The following ZPBP variants were observed in gnomAD, a reference collection of about 807,000 sequenced individuals.
ZPBP encodes the protein zona pellucida binding protein.
A neutral mutation model predicts 44.8 loss-of-function variants in ZPBP; 26 were observed. The observed-to-expected ratio is 0.58, with a 90% CI of 0.43 to 0.81. The LOEUF (loss-of-function observed/expected upper bound fraction) is 0.81, where lower values mean the gene tolerates loss of function less well. ZPBP is among the 30% of genes least tolerant of loss of function. The pLI is 0.00. For synonymous variants in ZPBP, 174 were observed against 153.2 expected (o/e 1.14, Z -1.00); for missense variants, 409 against 434.0 (o/e 0.94, Z 0.51).
rs534425723 is a variant in ZPBP at position 49,898,040 on chromosome 7, CTGGG to C, written n.509+3074_509+3077del. 6.0e-3 allele frequency among the ~76,000 whole-genome samples: 907 copies of C among 152,276 alleles called. 7 individuals carry two copies. Among genetic ancestry groups the C allele is most frequent in the African/African-American group, 0.02 (851 of 41,558 alleles). ...AGGGTTTTATCAGAGCCTAACTGAT[CTGGG>C]TGAAGAGAAATACTCAACTTTAGCC... On this transcript the variant is annotated intron_variant and non_coding_transcript_variant, in intron 2 of 2. Coordinates refer to the ZPBP transcript ENST00000465922.
intron 2 of ZPBP, among the ~76,000 whole-genome samples, chr7:49,896,473 T>C (rs1448626671): frequency 6.6e-6 from 1 of 152,022 alleles, no homozygotes; most frequent in Non-Finnish European, 1.5e-5. Flanking sequence ...AAGTTCCTAC[T>C]TGAAGAAACT....
downstream of ZPBP, among the ~76,000 whole-genome samples, chr7:49,933,471 A>C (rs1794516129): frequency 6.6e-6 from 1 of 152,238 alleles, no homozygotes; most frequent in Admixed American, 6.5e-5. Flanking sequence ...AAACTAGTTC[A>C]ACCATTGTGG....
intron 7 of ZPBP, among the ~76,000 whole-genome samples, chr7:49,966,308 T>G (rs1306465013): frequency 1.3e-5 from 2 of 152,134 alleles, no homozygotes; most frequent in South Asian, 2.1e-4. Context: ...CCTCCCATTC[T>G]CTATCTCTGT....
intron 7 of ZPBP, among the ~76,000 whole-genome samples, chr7:49,980,297 AAT>A (rs1469145570): frequency 1.3e-4 from 4 of 30,796 alleles, no homozygotes; most frequent in African/African-American, 3.3e-4. Context: ...ATAAATATAT[AAT>A]ATATATAATA....
chr7:50,032,512 T>C (rs1799647323), intron 4 of ZPBP, among the ~76,000 whole-genome samples: 1 of 152,152 alleles, frequency 6.6e-6, no homozygotes, highest in East Asian at 1.9e-4. Flanking sequence ...AGTATACTCT[T>C]CTGAGTGTCC....
intron 2 of ZPBP, among the ~76,000 whole-genome samples, chr7:49,851,726 C>T (rs1056949402): frequency 1.3e-5 from 2 of 152,166 alleles, no homozygotes; most frequent in Non-Finnish European, 2.9e-5. Context: ...GGCGTGCTGG[C>T]ACACGCCTAT....
chr7:50,089,567 C>T, intron 2 of ZPBP, 62 bp downstream of exon 2: 10 of 1,230,836 alleles, frequency 8.1e-6, no homozygotes, highest in Non-Finnish European at 1.2e-5. Flanking sequence ...TTGGAGAAGA[C>T]TGATAAATTT....
chr7:49,882,237 C>T (rs1240915706), intron 2 of ZPBP, among the ~76,000 whole-genome samples: 1 of 151,968 alleles, frequency 6.6e-6, no homozygotes, highest in Non-Finnish European at 1.5e-5. Context: ...TGGAAGTTGT[C>T]CAGAGTTTTC....
At chr7:50,074,187 T>C (rs1296974415) in intron 3 of ZPBP, among the ~76,000 whole-genome samples, 3 of 152,102 alleles carry the variant, frequency 2.0e-5, no homozygotes, top group Admixed American at 2.0e-4. Flanking sequence ...TGTTTGTTTA[T>C]GCAAACAATG....
At chr7:49,996,104 C>T (rs1282114201) in intron 6 of ZPBP, among the ~76,000 whole-genome samples, 1 of 152,168 alleles carries the variant, frequency 6.6e-6, no homozygotes, top group Non-Finnish European at 1.5e-5. Flanking sequence ...ATACATTTAA[C>T]AATATATTAC....
chr7:50,070,185 T>C (rs1184242834), intron 3 of ZPBP, among the ~76,000 whole-genome samples: 1 of 152,096 alleles, frequency 6.6e-6, no homozygotes, highest in Non-Finnish European at 1.5e-5. Context: ...AGTTCCTGTC[T>C]CCAGATCCAG....
downstream of ZPBP, among the ~76,000 whole-genome samples, chr7:49,847,824 C>G (rs977749258): frequency 7.9e-5 from 12 of 152,102 alleles, no homozygotes; most frequent in Non-Finnish European, 1.2e-4. Flanking sequence ...GACAGTGGCT[C>G]TCAGTGTGAA....
chr7:49,903,759 A>G (rs1469082282), intron 1 of ZPBP, among the ~76,000 whole-genome samples: 2 of 152,230 alleles, frequency 1.3e-5, no homozygotes, highest in Non-Finnish European at 2.9e-5. Context: ...GTCTTGCTCC[A>G]GGAAAATTTA....
chr7:49,968,348 T>C (rs1479843997), intron 7 of ZPBP, among the ~76,000 whole-genome samples: 1 of 152,066 alleles, frequency 6.6e-6, no homozygotes, highest in Non-Finnish European at 1.5e-5. Context: ...CCAAAATTAA[T>C]CTATATATTA....
intron 7 of ZPBP, among the ~76,000 whole-genome samples, chr7:49,975,864 G>A (rs950922765): frequency 5.3e-5 from 8 of 152,154 alleles, no homozygotes; most frequent in East Asian, 1.9e-4. Context: ...TAAATTGATC[G>A]TTTCAGTGAA....
intron 2 of ZPBP, among the ~76,000 whole-genome samples, chr7:49,876,813 C>T (rs1425182795): frequency 1.3e-5 from 2 of 151,884 alleles, no homozygotes; most frequent in African/African-American, 4.8e-5. Flanking sequence ...TAATTACAGT[C>T]GTGGAGTTGC....
downstream of ZPBP, among the ~76,000 whole-genome samples, chr7:49,850,041 C>A (rs1218566861): frequency 1.3e-5 from 2 of 152,190 alleles, no homozygotes; most frequent in African/African-American, 4.8e-5. Flanking sequence ...AGCACAGTAT[C>A]CTAGCACAGG....
At chr7:49,842,845 C>T in the ZPBP span, among the ~76,000 whole-genome samples, 1 of 152,200 alleles carries the variant, frequency 6.6e-6, no homozygotes, top group African/African-American at 2.4e-5. Context: ...CATGCTTTCA[C>T]TGCATAGTAA....
At chr7:49,932,473 G>A (rs998510215), downstream of ZPBP, among the ~76,000 whole-genome samples, 2 of 152,202 alleles carry the variant, frequency 1.3e-5, no homozygotes, top group Non-Finnish European at 2.9e-5. Flanking sequence ...ACTTGCATGG[G>A]GCCTGCAGCC....
Sources: allele counts gnomAD v4.1 joint callset (sites outside exome capture counted in the v4.1 genomes callset), GRCh38; gene constraint gnomAD v4.1.1; transcripts MANE v1.5; gene names NCBI Gene and HGNC (gene_info 2026-07-23, HGNC 2026-07-21).